DLG2: variants seen among roughly 807,000 people sequenced by gnomAD.
The protein encoded by DLG2 is discs large MAGUK scaffold protein 2, also known as disks large homolog 2.
DLG2 carries 45 observed loss-of-function variants against 132.5 expected under a neutral mutation model. The observed-to-expected ratio is 0.34, with a 90% CI of 0.27 to 0.44. The LOEUF (loss-of-function observed/expected upper bound fraction) is 0.44. DLG2 is among the 20% of genes least tolerant of loss of function. The pLI is 1.00. For missense variants in DLG2, 1,045 were observed against 1,196.9 expected (o/e 0.87, Z 1.87); for synonymous variants, 424 against 419.6 (o/e 1.01, Z -0.13).
At chr11:84,909,712 A>G (rs2091891387) in intron 6 of DLG2, among the ~76,000 whole-genome samples, 1 of 152,190 alleles carries the variant, frequency 6.6e-6, no homozygotes, top group Non-Finnish European at 1.5e-5. Context: ...TGGAAACAGG[A>G]TCTCAGGGCT....
At chr11:85,178,429 A>G (rs1314970795) in intron 4 of DLG2, among the ~76,000 whole-genome samples, 1 of 151,970 alleles carries the variant, frequency 6.6e-6, no homozygotes, top group Non-Finnish European at 1.5e-5. Context: ...TTATTTATAA[A>G]TAAATAGTTT....
intron 19 of DLG2, among the ~76,000 whole-genome samples, chr11:83,598,629 T>C (rs976916137): frequency 2.0e-5 from 3 of 152,214 alleles, no homozygotes; most frequent in African/African-American, 4.8e-5. Context: ...ATAGAGACCC[T>C]TTAATACTAG....
intron 7 of DLG2, among the ~76,000 whole-genome samples, chr11:84,430,805 A>C (rs1241598860): frequency 6.6e-6 from 1 of 152,216 alleles, no homozygotes; most frequent in Non-Finnish European, 1.5e-5. Flanking sequence ...TCCAGGTGAC[A>C]GAGGAGAACT....
intron 6 of DLG2, among the ~76,000 whole-genome samples, chr11:84,943,149 GGGTC>G (rs2049690229): frequency 6.8e-6 from 1 of 146,356 alleles, no homozygotes; most frequent in African/African-American, 2.6e-5. Flanking sequence ...ACAGATTTTT[GGGTC>G]GTGTGTGTGT....
At chr11:83,640,581 C>T (rs749693471) in intron 18 of DLG2, among the ~76,000 whole-genome samples, 2 of 152,170 alleles carry the variant, frequency 1.3e-5, no homozygotes, top group Non-Finnish European at 2.9e-5. Flanking sequence ...TTATTACATG[C>T]CTTGCACAAT....
intron 17 of DLG2, chr11:83,790,588 C>T: frequency 7.6e-7 from 1 of 1,317,542 alleles, no homozygotes; most frequent in Non-Finnish European, 1.1e-6. Flanking sequence ...GCTTCTGTGC[C>T]AGTAAGTCCA....
intron 6 of DLG2, among the ~76,000 whole-genome samples, chr11:84,890,090 A>C (rs1319405210): frequency 6.6e-6 from 1 of 152,214 alleles, no homozygotes; most frequent in South Asian, 2.1e-4. Context: ...CTAGTTTGCT[A>C]CAAACTTATG....
intron 17 of DLG2, among the ~76,000 whole-genome samples, chr11:83,792,006 T>A (rs529660483): frequency 2.0e-5 from 3 of 152,366 alleles, no homozygotes; most frequent in Admixed American, 1.3e-4. Context: ...ATATATAATT[T>A]GACAGCTTTT....
At chr11:83,566,493 A>AG (rs200952216) in intron 19 of DLG2, among the ~76,000 whole-genome samples, 1,608 of 152,250 alleles carry the variant, frequency 0.011, 27 homozygotes, top group African/African-American at 0.037. Flanking sequence ...AGAGCCAAGT[A>AG]GGCTAGACTT....
At chr11:83,656,868 C>T (rs992470336) in intron 18 of DLG2, among the ~76,000 whole-genome samples, 2 of 152,200 alleles carry the variant, frequency 1.3e-5, no homozygotes, top group Non-Finnish European at 2.9e-5. Context: ...AGGCCAACAT[C>T]TCCCTTTCCA....
At chr11:85,314,331 C>T (rs866507277) in intron 3 of DLG2, among the ~76,000 whole-genome samples, 1 of 151,632 alleles carries the variant, frequency 6.6e-6, no homozygotes, top group Non-Finnish European at 1.5e-5. Context: ...TTAAAAATAT[C>T]AATAACTGTG....
At chr11:84,679,390 T>C (rs2099723094) in intron 6 of DLG2, among the ~76,000 whole-genome samples, 1 of 152,066 alleles carries the variant, frequency 6.6e-6, no homozygotes, top group Non-Finnish European at 1.5e-5. Flanking sequence ...ACAAAAATGT[T>C]TGGACAGTTG....
chr11:83,925,782 G>T (rs910236869), intron 15 of DLG2, among the ~76,000 whole-genome samples: 1 of 151,994 alleles, frequency 6.6e-6, no homozygotes, highest in Non-Finnish European at 1.5e-5. Flanking sequence ...ACAAATAAAT[G>T]TATGCCATAA....
At chr11:84,558,226 T>C (rs2099415888) in intron 6 of DLG2, among the ~76,000 whole-genome samples, 2 of 152,118 alleles carry the variant, frequency 1.3e-5, no homozygotes, top group African/African-American at 4.8e-5. Flanking sequence ...TGGTTTGGAG[T>C]TGGTTTATTT....
At chr11:84,793,259 A>G (rs1034344736) in intron 6 of DLG2, among the ~76,000 whole-genome samples, 1 of 152,124 alleles carries the variant, frequency 6.6e-6, no homozygotes, top group Non-Finnish European at 1.5e-5. Flanking sequence ...TTTCATTGTA[A>G]TCAGAGAAGA....
chr11:84,586,438 T>C (rs1471962743), intron 6 of DLG2, among the ~76,000 whole-genome samples: 1 of 152,208 alleles, frequency 6.6e-6, no homozygotes, highest in Admixed American at 6.5e-5. Context: ...TTGTTAACTT[T>C]CAAATTTTTG....
chr11:84,917,185 G>A (rs1478949022), intron 6 of DLG2, among the ~76,000 whole-genome samples: 1 of 152,080 alleles, frequency 6.6e-6, no homozygotes, highest in Non-Finnish European at 1.5e-5. Flanking sequence ...TGCCTGACCC[G>A]TAATAGGTAC....
chr11:84,659,137 G>A (rs2099691728), intron 6 of DLG2, among the ~76,000 whole-genome samples: 1 of 152,096 alleles, frequency 6.6e-6, no homozygotes, highest in African/African-American at 2.4e-5. Context: ...TTTACTTCAA[G>A]TATTCTGTCA....
chr11:83,466,510 TAAAA>T (rs1017957957), intron 26 of DLG2, among the ~76,000 whole-genome samples, 194 bp downstream of exon 26: 6 of 152,160 alleles, frequency 3.9e-5, no homozygotes, highest in Non-Finnish European at 7.3e-5. Context: ...TGAGGGATGT[TAAAA>T]AAAGAAATCA....
Sources: allele counts gnomAD v4.1 joint callset (sites outside exome capture counted in the v4.1 genomes callset), GRCh38; gene constraint gnomAD v4.1.1; transcripts MANE v1.5; gene names NCBI Gene and HGNC (gene_info 2026-07-23, HGNC 2026-07-21).